RBFOX1: variants seen among roughly 807,000 people sequenced by gnomAD.
RBFOX1 encodes the protein RNA binding fox-1 homolog 1.
A neutral mutation model predicts 57.7 loss-of-function variants in RBFOX1; 8 were observed. The observed-to-expected ratio is 0.14, with a 90% CI of 0.08 to 0.25. RBFOX1 has a LOEUF of 0.25. Ranked by LOEUF, RBFOX1 falls within the 10% of genes least tolerant of loss-of-function variation. The probability of loss-of-function intolerance (pLI) is 1.00; values close to 1 mark genes in which losing one functional copy is unlikely to be tolerated. For missense variants in RBFOX1, 611 were observed against 548.5 expected (o/e 1.11, Z -1.14); for synonymous variants, 326 against 222.4 (o/e 1.47, Z -4.15).
chr16:6,607,714 A>G (rs1403417114), intron 2 of RBFOX1, among the ~76,000 whole-genome samples: 1 of 152,058 alleles, frequency 6.6e-6, no homozygotes, highest in African/African-American at 2.4e-5. Flanking sequence ...AATAAGAAAT[A>G]ATTATTTTAG....
At chr16:6,542,348 C>G (rs78207789) in intron 2 of RBFOX1, among the ~76,000 whole-genome samples, 2,219 of 152,070 alleles carry the variant, frequency 0.015, 51 homozygotes, top group African/African-American at 0.05. Context: ...GTGGGGTGTT[C>G]TAAATGCAGG....
chr16:6,434,518 G>C (rs2153012180), intron 2 of RBFOX1, among the ~76,000 whole-genome samples: 1 of 152,252 alleles, frequency 6.6e-6, no homozygotes, highest in Non-Finnish European at 1.5e-5. Context: ...AACTCGATTA[G>C]CTCATGTATG....
At chr16:7,497,618 C>G (rs1403496379) in intron 4 of RBFOX1, among the ~76,000 whole-genome samples, 1 of 152,098 alleles carries the variant, frequency 6.6e-6, no homozygotes, top group Non-Finnish European at 1.5e-5. Flanking sequence ...CTACTGGGGA[C>G]CAGACACAGT....
Position 7,286,933 on chromosome 16 carries a change from G to C in RBFOX1, c.28-231214G>C, listed in dbSNP as rs375651528. The stretch of plus-strand genomic sequence containing the variant: ...CATGAGTCACCATGCCTGGCCCTGG[G>C]CTTCAAACTTTAAAGAAGATACTGC... On this transcript the variant is annotated intron_variant, in intron 4 of 15. Coordinates refer to ENST00000550418, the MANE Select transcript of RBFOX1 (RefSeq NM_018723.4). Among the ~76,000 whole-genome samples the C allele has an allele frequency of 9.9e-5, 15 of 152,122 alleles. No homozygotes were observed. The East Asian group carries it at 2.5e-3, about 26-fold the overall frequency.
Position 5,803,571 on chromosome 16 carries a change from C to G in RBFOX1, c.319-63732C>G, listed in dbSNP as rs373580851. ...AAGCATATGTATGGTGCCTGTCATT[C>G]ATTCTCTCACTCCACAAAGCACACT... is the stretch of plus-strand genomic sequence containing the variant. On this transcript the variant is annotated intron_variant, in intron 3 of 19. Coordinates refer to the RBFOX1 transcript ENST00000641259. Among the ~76,000 whole-genome samples, 6 of 152,310 alleles carry G rather than the reference C, an allele frequency of 3.9e-5. No homozygotes were observed. In the East Asian group the frequency reaches 1.2e-3, roughly 29 times the overall value.
At chr16:6,550,000 C>CT (rs746234936) in intron 2 of RBFOX1, among the ~76,000 whole-genome samples, 24 of 152,214 alleles carry the variant, frequency 1.6e-4, no homozygotes, top group Non-Finnish European at 2.2e-4. Context: ...TGAACATTGT[C>CT]TAAGAGGGGT....
chr16:7,350,415 A>G (rs73565830), intron 4 of RBFOX1, among the ~76,000 whole-genome samples: 30,244 of 152,120 alleles, frequency 0.2, 4,857 homozygotes, highest in African/African-American at 0.45. Context: ...CAGGTGTGCA[A>G]TCAGCAGCCA....
rs191440902 is a variant in RBFOX1, at chr16:7,164,604, T to C, written c.27+112506T>C. ...AATCCTCTTGTCTAGAGAAAACCAC[T>C]TTTAATAACGTGTAATTTCTTTTCT... On this transcript the variant is annotated intron_variant, in intron 4 of 15. Coordinates refer to ENST00000550418, the MANE Select transcript of RBFOX1 (RefSeq NM_018723.4). Among the ~76,000 whole-genome samples the C allele has an allele frequency of 9.8e-5, 15 of 152,320 alleles. No individual in the cohort carries two copies. The East Asian group carries it at 2.7e-3, about 27-fold the overall frequency.
intron 3 of RBFOX1, among the ~76,000 whole-genome samples, chr16:6,861,781 C>G (rs1001669159): frequency 6.7e-6 from 1 of 149,722 alleles, no homozygotes; most frequent in South Asian, 2.1e-4. Context: ...AAAGTGTTTC[C>G]ACGTTCATAC....
At position 6,872,749 on chromosome 16, in the gene RBFOX1, G is replaced by C. The variant is rs558935496; in HGVS notation, c.-15-179308G>C. On this transcript the variant is annotated intron_variant, in intron 3 of 15. Transcript: ENST00000550418. ...AACCTGTGTTTTTTGTCCTTCAGGAGTTAAAAGTGCAAAAAAATAAAATAA... is the reference window on the plus strand; with the variant it reads ...AACCTGTGTTTTTTGTCCTTCAGGACTTAAAAGTGCAAAAAAATAAAATAA... Among the ~76,000 whole-genome samples the C allele has an allele frequency of 1.5e-4, 23 of 152,104 alleles. 1 individual carries two copies. The highest frequency in any genetic ancestry group is 5.3e-4 in the African/African-American group (22 of 41,416).
chr16:6,866,630 C>G (rs2059974267), intron 3 of RBFOX1, among the ~76,000 whole-genome samples: 1 of 139,568 alleles, frequency 7.2e-6, no homozygotes, highest in African/African-American at 2.6e-5. Flanking sequence ...CAAGCTCCGC[C>G]TCCCCGGTTC....
chr16:5,421,498 G>A (rs2067325515), intron 1 of RBFOX1, among the ~76,000 whole-genome samples: 2 of 152,142 alleles, frequency 1.3e-5, no homozygotes, highest in African/African-American at 4.8e-5. Context: ...AATGGGGTGA[G>A]TTAGGATGTC....
At chr16:6,510,570 C>T (rs549992784) in intron 2 of RBFOX1, among the ~76,000 whole-genome samples, 1 of 152,262 alleles carries the variant, frequency 6.6e-6, no homozygotes, top group South Asian at 2.1e-4. Context: ...TGTTGGATTC[C>T]ATGTGATGGA....
chr16:6,715,296 C>T (rs2064568635), intron 3 of RBFOX1, among the ~76,000 whole-genome samples: 1 of 150,982 alleles, frequency 6.6e-6, no homozygotes, highest in East Asian at 1.9e-4. Flanking sequence ...TAACCCTGTT[C>T]TGTTGAATTA....
chr16:5,823,262 G>A (rs1018917083), intron 3 of RBFOX1, among the ~76,000 whole-genome samples: 4 of 152,104 alleles, frequency 2.6e-5, no homozygotes, highest in Admixed American at 6.5e-5. Context: ...GTTGGTACTT[G>A]ATAACTATTT....
chr16:5,241,151 C>T (rs997084879), intron 1 of RBFOX1, among the ~76,000 whole-genome samples: 2 of 152,192 alleles, frequency 1.3e-5, no homozygotes, highest in Admixed American at 6.5e-5. Context: ...CGTGGGCTGC[C>T]TCAGAGCCCC....
chr16:7,704,733 G>T (rs1293841743), intron 14 of RBFOX1, among the ~76,000 whole-genome samples: 1 of 152,194 alleles, frequency 6.6e-6, no homozygotes, highest in Non-Finnish European at 1.5e-5. Context: ...GGGTAGGGAT[G>T]AAGTTGGAAA....
At chr16:7,710,337 T>G (rs2083798233) in intron 15 of RBFOX1, 14 of 1,250,348 alleles carry the variant, frequency 1.1e-5, no homozygotes, top group Non-Finnish European at 1.4e-5. Context: ...TATAAAAAAA[T>G]GAGACAGTGA....
chr16:6,148,629 G>A (rs1055511060), intron 1 of RBFOX1, among the ~76,000 whole-genome samples: 2 of 152,198 alleles, frequency 1.3e-5, no homozygotes, highest in African/African-American at 4.8e-5. Flanking sequence ...CTCACCGAGT[G>A]ACTGTGTTCT....
Sources: gnomAD v4.1 joint callset for allele counts (sites outside exome capture counted in the v4.1 genomes callset) on GRCh38, gnomAD v4.1.1 for gene constraint, MANE v1.5 for transcripts, NCBI Gene and HGNC (gene_info 2026-07-23, HGNC 2026-07-21) for gene names.